KCNQ3: variants seen among roughly 807,000 people sequenced by gnomAD.
The protein encoded by KCNQ3 is potassium voltage-gated channel subfamily Q member 3, also known as potassium voltage-gated channel subfamily KQT member 3.
Under a neutral mutation model 92.5 loss-of-function variants are expected in KCNQ3, and 30 were observed. That is an observed-to-expected ratio of 0.32 (90% CI 0.24 to 0.44). KCNQ3 has a LOEUF of 0.44. KCNQ3 is among the 20% of genes least tolerant of loss of function. The pLI, the probability that KCNQ3 is intolerant of heterozygous loss-of-function variation, is 1.00. For missense variants in KCNQ3, 913 were observed against 1,140.3 expected (o/e 0.80, Z 2.87); for synonymous variants, 450 against 468.8 (o/e 0.96, Z 0.52).
At chr8:132,137,793 T>G (rs1312840382) in intron 12 of KCNQ3, 92 bp downstream of exon 12, 1 of 1,465,182 alleles carries the variant, frequency 6.8e-7, no homozygotes, top group African/African-American at 1.4e-5. Flanking sequence ...TCTCCCTGCA[T>G]TTTGAATTAT....
chr8:132,356,545 ACACT>A (rs1310537601), intron 1 of KCNQ3, among the ~76,000 whole-genome samples: 2 of 152,244 alleles, frequency 1.3e-5, no homozygotes, highest in East Asian at 1.9e-4. Context: ...GGAATAACAC[ACACT>A]CTAGTCTTGG....
intron 1 of KCNQ3, among the ~76,000 whole-genome samples, chr8:132,271,338 C>A (rs1816141446): frequency 6.6e-6 from 1 of 152,222 alleles, no homozygotes; most frequent in Non-Finnish European, 1.5e-5. Context: ...TGGCCATGGG[C>A]CAAAATGAAA....
At position 132,443,834 on chromosome 8, in the gene KCNQ3, C is replaced by T. The variant is rs76851611; in HGVS notation, c.386+36313G>A. On this transcript the variant is annotated intron_variant, in intron 1 of 14. Coordinates refer to ENST00000388996, the MANE Select transcript of KCNQ3 (RefSeq NM_004519.4). ...ACCCACTATGACCCTGGTCAGGTCA[C>T]CCAGCCCTCTGACACTCTTTACCCC... Among the ~76,000 whole-genome samples, 1,212 of 152,224 alleles carry T rather than the reference C, an allele frequency of 8.0e-3. 11 individuals are homozygous for T. Among genetic ancestry groups the T allele is most frequent in the Middle Eastern group, 0.014 (4 of 294 alleles).
intron 1 of KCNQ3, among the ~76,000 whole-genome samples, chr8:132,390,278 G>A (rs1820016656): frequency 6.6e-6 from 1 of 152,196 alleles, no homozygotes; most frequent in Non-Finnish European, 1.5e-5. Context: ...GGAAAGTGAT[G>A]AGCATAAAAG....
intron 1 of KCNQ3, among the ~76,000 whole-genome samples, chr8:132,214,437 G>A (rs1813961119): frequency 6.6e-6 from 1 of 151,882 alleles, no homozygotes; most frequent in African/African-American, 2.4e-5. Flanking sequence ...ATAAATCTTA[G>A]GTACAAGTCC....
chr8:132,386,453 A>C (rs1357749042), intron 1 of KCNQ3, among the ~76,000 whole-genome samples: 1 of 152,164 alleles, frequency 6.6e-6, no homozygotes, highest in East Asian at 1.9e-4. Context: ...TATTAATTAT[A>C]GCTAGTTCTG....
chr8:132,304,935 A>G (rs1488050261), intron 1 of KCNQ3, among the ~76,000 whole-genome samples: 1 of 152,216 alleles, frequency 6.6e-6, no homozygotes, highest in East Asian at 1.9e-4. Flanking sequence ...TGAGGCAATT[A>G]GGGAGTAACT....
intron 1 of KCNQ3, among the ~76,000 whole-genome samples, chr8:132,455,103 C>A (rs998922762): frequency 6.6e-6 from 1 of 152,144 alleles, no homozygotes. Context: ...GAACTATACA[C>A]ATAAAAATAG....
At chr8:132,448,760 G>C (rs1202444737) in intron 1 of KCNQ3, among the ~76,000 whole-genome samples, 1 of 152,200 alleles carries the variant, frequency 6.6e-6, no homozygotes, top group Non-Finnish European at 1.5e-5. Context: ...ATGTTGGCAT[G>C]GGTTGATGGA....
In KCNQ3 at chr8:132,250,735, TC is replaced by T. The variant is rs1356442614; in HGVS notation, c.387-64555del. On this transcript the variant is annotated intron_variant, in intron 1 of 14. Transcript: ENST00000388996. ...GTGTCTCACAGGATGCATGGGCTCC[TC>T]CCCCAGCTCACTGGGCACTCTGTCA... 2.6e-5 allele frequency among the ~76,000 whole-genome samples: 4 copies of T among 152,192 alleles called. No individual in the cohort carries two copies. In the South Asian group the frequency reaches 8.3e-4, roughly 32 times the overall value.
chr8:132,291,411 T>C (rs1816830744), intron 1 of KCNQ3, among the ~76,000 whole-genome samples: 1 of 152,190 alleles, frequency 6.6e-6, no homozygotes, highest in Non-Finnish European at 1.5e-5. Context: ...TGCTTATTAT[T>C]GTTGTTGTTC....
chr8:132,244,939 A>AG (rs1815116052), intron 1 of KCNQ3, among the ~76,000 whole-genome samples: 1 of 151,488 alleles, frequency 6.6e-6, no homozygotes, highest in South Asian at 2.1e-4. Context: ...AAAAAAAAAA[A>AG]AGATGAAAAA....
chr8:132,476,109 G>A (rs1158375662), intron 1 of KCNQ3, among the ~76,000 whole-genome samples: 3 of 152,222 alleles, frequency 2.0e-5, no homozygotes, highest in African/African-American at 7.2e-5. Flanking sequence ...TGGGCCTGTG[G>A]GTGCACAGAA....
At chr8:132,371,037 C>T (rs1461101542) in intron 1 of KCNQ3, among the ~76,000 whole-genome samples, 1 of 152,182 alleles carries the variant, frequency 6.6e-6, no homozygotes, top group Non-Finnish European at 1.5e-5. Context: ...TTTGCAAATC[C>T]TTGGGAATAT....
At chr8:132,148,255 T>TC (rs200135607) in intron 9 of KCNQ3, among the ~76,000 whole-genome samples, 3,033 of 152,170 alleles carry the variant, frequency 0.02, 116 homozygotes, top group African/African-American at 0.07. Flanking sequence ...AATTTCTTTT[T>TC]CTTTTTTTTT....
intron 1 of KCNQ3, among the ~76,000 whole-genome samples, chr8:132,293,175 C>T (rs1816909557): frequency 6.6e-6 from 1 of 151,884 alleles, no homozygotes. Context: ...TTTGTAATAT[C>T]CATATAATAA....
intron 1 of KCNQ3, among the ~76,000 whole-genome samples, chr8:132,412,762 C>T (rs2130799330): frequency 6.6e-6 from 1 of 152,278 alleles, no homozygotes; most frequent in East Asian, 1.9e-4. Context: ...AGAGGACAGT[C>T]CATCACTGTC....
At chr8:132,450,131 C>T (rs1360755776) in intron 1 of KCNQ3, among the ~76,000 whole-genome samples, 4 of 152,254 alleles carry the variant, frequency 2.6e-5, no homozygotes, top group East Asian at 3.9e-4. Context: ...GAAGGGGACC[C>T]GAGTGGGTTG....
rs372491375 is a variant in KCNQ3, at chr8:132,333,546, ATTAC to A, written c.386+146597_386+146600del. 1.6e-4 allele frequency among the ~76,000 whole-genome samples: 25 copies of A among 152,266 alleles called. No homozygotes were observed. In the South Asian group the frequency reaches 2.9e-3, roughly 18 times the overall value. ...ACAAAGAAGAAAGAAAAATTGATGT[ATTAC>A]TTAAAGTCCCATCACTCAAAACCAA... is the stretch of plus-strand genomic sequence containing the variant. On this transcript the variant is annotated intron_variant, in intron 1 of 14. Coordinates refer to ENST00000388996, the MANE Select transcript of KCNQ3 (RefSeq NM_004519.4).
Sources: allele counts gnomAD v4.1 joint callset (sites outside exome capture counted in the v4.1 genomes callset), GRCh38; gene constraint gnomAD v4.1.1; transcripts MANE v1.5; gene names NCBI Gene and HGNC (gene_info 2026-07-23, HGNC 2026-07-21).